Variants in ATRNL1 observed in about 807,000 individuals in gnomAD.
ATRNL1 encodes the protein attractin-like protein 1.
In ATRNL1, 95 loss-of-function variants were observed where a neutral mutation model predicts 182.7. That is an observed-to-expected ratio of 0.52 (90% CI 0.44 to 0.62). ATRNL1 has a LOEUF of 0.62. ATRNL1 is among the 20% of genes least tolerant of loss of function. The pLI, the probability that ATRNL1 is intolerant of heterozygous loss-of-function variation, is 0.00. For synonymous variants in ATRNL1, 576 were observed against 568.3 expected (o/e 1.01, Z -0.19); for missense variants, 1,471 against 1,679.5 (o/e 0.88, Z 2.17).
intron 21 of ATRNL1, among the ~76,000 whole-genome samples, chr10:115,433,676 G>A (rs1846267438): frequency 1.3e-5 from 2 of 151,668 alleles, no homozygotes; most frequent in Non-Finnish European, 2.9e-5. Flanking sequence ...TACTCCTTTA[G>A]CATAGTCCAA....
intron 21 of ATRNL1, among the ~76,000 whole-genome samples, chr10:115,447,872 A>G (rs1847084124): frequency 6.6e-6 from 1 of 152,030 alleles, no homozygotes; most frequent in Admixed American, 6.6e-5. Context: ...GGTATACAAT[A>G]ATTTTCTTCC....
intron 24 of ATRNL1, among the ~76,000 whole-genome samples, chr10:115,511,836 A>G (rs1260750290): frequency 6.6e-6 from 1 of 151,888 alleles, no homozygotes; most frequent in East Asian, 1.9e-4. Flanking sequence ...ATGTATTATC[A>G]GGGTTACTGT....
chr10:115,129,544 G>A lies in ATRNL1; in HGVS notation c.829+9G>A, dbSNP rs1554874561. The A allele has an allele frequency of 6.2e-7, 1 of 1,610,596 alleles. No homozygotes were observed. The highest frequency in any genetic ancestry group is 2.2e-5 in the East Asian group (1 of 44,820). The stretch of plus-strand genomic sequence containing the variant: ...CAATGATAGTTGGCAAGGTAAGCAT[G>A]TGTGGTGTGATGGCTTTTGAAACAT... On this transcript the variant is annotated intron_variant, in intron 5 of 28. Transcript: ENST00000355044.
intron 28 of ATRNL1, among the ~76,000 whole-genome samples, chr10:115,917,064 G>A (rs868966819): frequency 5.9e-5 from 9 of 152,266 alleles, no homozygotes; most frequent in South Asian, 2.1e-4. Context: ...GAAATGTGGC[G>A]ACACTGCCAA....
At chr10:115,850,858 C>G (rs1951038036) in intron 28 of ATRNL1, among the ~76,000 whole-genome samples, 1 of 152,040 alleles carries the variant, frequency 6.6e-6, no homozygotes, top group South Asian at 2.1e-4. Context: ...TGCAGGGTGA[C>G]AGGTTGGGGG....
chr10:115,234,199 T>G (rs1410123243), intron 9 of ATRNL1, among the ~76,000 whole-genome samples: 1 of 152,114 alleles, frequency 6.6e-6, no homozygotes, highest in Non-Finnish European at 1.5e-5. Context: ...TGAGTCTGTT[T>G]TGGTAAGATA....
intron 26 of ATRNL1, among the ~76,000 whole-genome samples, chr10:115,703,381 G>A (rs1462493059): frequency 3.3e-5 from 5 of 151,752 alleles, no homozygotes; most frequent in Admixed American, 1.3e-4. Context: ...CTTCAAAAGC[G>A]ATTGCAACAA....
At chr10:115,515,318 C>CTTTTTTT (rs56692263) in intron 24 of ATRNL1, among the ~76,000 whole-genome samples, 1 of 120,204 alleles carries the variant, frequency 8.3e-6, no homozygotes. Flanking sequence ...AATAGTTGTT[C>CTTTTTTT]TTTTTTTTTT....
chr10:115,826,051 T>C lies in ATRNL1; in HGVS notation c.3904-21826T>C, dbSNP rs186668069. On this transcript the variant is annotated intron_variant, in intron 27 of 28. Coordinates refer to ENST00000355044, the MANE Select transcript of ATRNL1 (RefSeq NM_207303.4). The stretch of plus-strand genomic sequence containing the variant: ...TCATTTAGTGTCATACATCTTGAAG[T>C]TTTTGCAAGGGTGAACTCACATGAA... 4.6e-5 allele frequency among the ~76,000 whole-genome samples: 7 copies of C among 152,248 alleles called. No homozygotes were observed. The East Asian group carries it at 1.2e-3, about 25-fold the overall frequency.
At chr10:115,693,782 A>G (rs552972517) in intron 26 of ATRNL1, among the ~76,000 whole-genome samples, 51 of 152,244 alleles carry the variant, frequency 3.3e-4, no homozygotes, top group Non-Finnish European at 5.6e-4. Flanking sequence ...CAAAAATGCA[A>G]TAATGCATTA....
chr10:115,349,674 G>A (rs1856139389), intron 19 of ATRNL1, among the ~76,000 whole-genome samples: 2 of 152,174 alleles, frequency 1.3e-5, no homozygotes, highest in Non-Finnish European at 2.9e-5. Flanking sequence ...TAACTGTGGT[G>A]AGGTGGGTTG....
intron 28 of ATRNL1, among the ~76,000 whole-genome samples, chr10:115,892,395 A>G (rs74772417): frequency 6.6e-6 from 1 of 152,168 alleles, no homozygotes; most frequent in Non-Finnish European, 1.5e-5. Flanking sequence ...TTATATATAC[A>G]TCTAGTAATA....
chr10:115,856,462 T>A (rs1951190582), intron 28 of ATRNL1, among the ~76,000 whole-genome samples: 1 of 61,020 alleles, frequency 1.6e-5, no homozygotes, highest in Non-Finnish European at 4.1e-5. Flanking sequence ...CCATACATAC[T>A]GTTCGTTGTG....
At chr10:115,442,679 G>A (rs1846755712) in intron 21 of ATRNL1, among the ~76,000 whole-genome samples, 1 of 151,986 alleles carries the variant, frequency 6.6e-6, no homozygotes, top group Non-Finnish European at 1.5e-5. Context: ...GCAGTAATTT[G>A]TAACACCTAT....
intron 26 of ATRNL1, among the ~76,000 whole-genome samples, chr10:115,574,431 A>G (rs1005171982): frequency 1.3e-5 from 2 of 151,988 alleles, no homozygotes; most frequent in Non-Finnish European, 2.9e-5. Flanking sequence ...CTATTCCACT[A>G]AAACTAATTC....
intron 24 of ATRNL1, among the ~76,000 whole-genome samples, chr10:115,487,686 T>A (rs1396832033): frequency 6.6e-6 from 1 of 152,202 alleles, no homozygotes; most frequent in Non-Finnish European, 1.5e-5. Context: ...CAGAGACAAT[T>A]TGACTTCCTC....
chr10:115,583,698 G>A (rs374211103), intron 26 of ATRNL1, among the ~76,000 whole-genome samples: 161 of 149,254 alleles, frequency 1.1e-3, no homozygotes, highest in Non-Finnish European at 1.9e-3. Flanking sequence ...ATCTGCAAAC[G>A]GGGACAATTT....
chr10:115,210,521 A>G (rs899664998), intron 8 of ATRNL1, among the ~76,000 whole-genome samples: 4 of 151,894 alleles, frequency 2.6e-5, no homozygotes, highest in African/African-American at 9.7e-5. Flanking sequence ...TTTGTTCTCC[A>G]TTTTATAATT....
At chr10:115,641,268 C>T (rs1456877342) in intron 26 of ATRNL1, among the ~76,000 whole-genome samples, 2 of 152,046 alleles carry the variant, frequency 1.3e-5, no homozygotes, top group Admixed American at 1.3e-4. Flanking sequence ...TTATAGCTTC[C>T]TTTCTAAGTC....
Sources: gnomAD v4.1 joint callset for allele counts (sites outside exome capture counted in the v4.1 genomes callset) on GRCh38, gnomAD v4.1.1 for gene constraint, MANE v1.5 for transcripts, NCBI Gene and HGNC (gene_info 2026-07-23, HGNC 2026-07-21) for gene names.